Variants in TADA2A observed in about 807,000 individuals in gnomAD.
The protein encoded by TADA2A is transcriptional adaptor 2A.
TADA2A carries 38 observed loss-of-function variants against 67.4 expected under a neutral mutation model. That is an observed-to-expected ratio of 0.56 (90% CI 0.44 to 0.74). The LOEUF (loss-of-function observed/expected upper bound fraction) is 0.74, where lower values mean the gene tolerates loss of function less well. Among genes scored for constraint, TADA2A ranks in the 30% least tolerant of loss-of-function variants. TADA2A has a pLI of 0.00. For synonymous variants in TADA2A, 192 were observed against 181.6 expected (o/e 1.06, Z -0.46); for missense variants, 454 against 547.0 (o/e 0.83, Z 1.70).
At chr17:37,449,910 C>A (rs936550513) in intron 8 of TADA2A, among the ~76,000 whole-genome samples, 1 of 152,086 alleles carries the variant, frequency 6.6e-6, no homozygotes, top group South Asian at 2.1e-4. Context: ...TCAACACATT[C>A]CTGAGGAATA....
chr17:37,477,226 GCATT>G lies in TADA2A; in HGVS notation c.*250_*253del. The G allele has an allele frequency of 2.4e-6, 1 of 411,316 alleles. No homozygotes were observed. The highest frequency in any genetic ancestry group is 6.8e-4 in the Middle Eastern group (1 of 1,478). The allele number at this position is 411,316 out of a possible 1,614,324, so 25.5% of individuals were successfully genotyped here. A position where few individuals can be genotyped will look rare whatever the true frequency, so the allele number is the denominator to read the frequency against. ...ATAAGCTATTATTAAATGTGAGTGG[GCATT>G]CATTCCTAACACCTCTTGTAACTAA... On this transcript the variant is annotated 3_prime_UTR_variant, in exon 16 of 16. Transcript: ENST00000615182.
intron 1 of TADA2A, among the ~76,000 whole-genome samples, chr17:37,410,063 C>G (rs1227169202): frequency 6.6e-6 from 1 of 151,952 alleles, no homozygotes; most frequent in African/African-American, 2.4e-5. Flanking sequence ...CCCAGCTTCT[C>G]AGGAGGCTGA....
intron 9 of TADA2A, among the ~76,000 whole-genome samples, chr17:37,459,252 T>A (rs1247886831): frequency 6.6e-6 from 1 of 151,844 alleles, no homozygotes; most frequent in Admixed American, 6.6e-5. Context: ...TTACACTTTT[T>A]TTTTTTTAAT....
chr17:37,451,333 T>C (rs2053227988), intron 8 of TADA2A, among the ~76,000 whole-genome samples: 1 of 150,798 alleles, frequency 6.6e-6, no homozygotes, highest in Non-Finnish European at 1.5e-5. Flanking sequence ...TTGGCTTTTT[T>C]TTTTTTTTTG....
chr17:37,423,710 A>G (rs2147926634), intron 3 of TADA2A, 95 bp downstream of exon 3: 11 of 912,738 alleles, frequency 1.2e-5, no homozygotes, highest in South Asian at 8.9e-5. Flanking sequence ...AAGGAGATCT[A>G]TGTCTTATTA....
intron 4 of TADA2A, among the ~76,000 whole-genome samples, chr17:37,433,286 TAG>T (rs1045589968): frequency 6.6e-6 from 1 of 152,046 alleles, no homozygotes; most frequent in African/African-American, 2.4e-5. Flanking sequence ...AAATGTAGTA[TAG>T]AGAGTTCCCA....
At chr17:37,407,040 G>C (rs2051569118) in intron 1 of TADA2A, 91 bp downstream of exon 1, 2 of 146,990 alleles carry the variant, frequency 1.4e-5, no homozygotes, top group East Asian at 4.0e-4. Context: ...GGGGCCACGA[G>C]GTGCGGCGGG....
intron 14 of TADA2A, among the ~76,000 whole-genome samples, chr17:37,473,609 TCA>T: frequency 6.6e-6 from 1 of 152,298 alleles, no homozygotes; most frequent in African/African-American, 2.4e-5. Context: ...TTTGCTTAAC[TCA>T]GTCTATCCAT....
intron 2 of TADA2A, among the ~76,000 whole-genome samples, chr17:37,416,694 A>G (rs905395179): frequency 2.0e-5 from 3 of 151,722 alleles, no homozygotes; most frequent in East Asian, 2.0e-4. Flanking sequence ...GTGAAACGCC[A>G]TCTCTACTGA....
In TADA2A at chr17:37,425,191, T is replaced by C. The variant is rs867463708; in HGVS notation, c.132+1576T>C. On this transcript the variant is annotated intron_variant, in intron 3 of 15. Transcript: ENST00000615182. ...TACCACGCCCGGCCATAACACTGTT[T>C]TTTTAAGTTAATTTAAAGTATTGAA... Among the ~76,000 whole-genome samples the C allele has an allele frequency of 5.9e-5, 9 of 152,330 alleles. 1 individual carries two copies. The highest frequency in any genetic ancestry group is 4.1e-4 in the South Asian group (2 of 4,830).
Position 37,471,429 on chromosome 17 carries a change from C to G in TADA2A, c.1072+292C>G, listed in dbSNP as rs146109560. Among the ~76,000 whole-genome samples, 934 of 152,320 alleles carry G rather than the reference C, an allele frequency of 6.1e-3. 10 individuals carry two copies. Among genetic ancestry groups the G allele is most frequent in the African/African-American group, 0.021 (892 of 41,574 alleles). ...CCAATGTTCATGAGCAGTTAGTTTA[C>G]TGCAGTTGTGTCTACCACTAATTTT... On this transcript the variant is annotated intron_variant, in intron 14 of 15. Transcript: ENST00000615182.
Position 37,470,985 on chromosome 17 carries a change from C to T in TADA2A, c.1029-109C>T, listed in dbSNP as rs573570846. ...AAACATAGTTCAGTCTATCTCATTA[C>T]ACTTCTTCAAGGTGACCTACCTGAT... On this transcript the variant is annotated intron_variant, in intron 13 of 15. Coordinates refer to ENST00000615182, the MANE Select transcript of TADA2A (RefSeq NM_001166105.3). 1.3e-5 allele frequency: 13 copies of T among 1,021,242 alleles called. No homozygotes were observed. The African/African-American group carries it at 1.9e-4, about 15-fold the overall frequency. 63.3% of individuals were successfully genotyped at this position (1,021,242 alleles called of 1,614,324 possible). A position where few individuals can be genotyped will look rare whatever the true frequency, so the allele number is the denominator to read the frequency against.
At position 37,435,037 on chromosome 17, in the gene TADA2A, G is replaced by C. The variant is rs181819649; in HGVS notation, c.193-2701G>C. On this transcript the variant is annotated intron_variant, in intron 4 of 15. Transcript: ENST00000615182. ...CCAGGCGGGCAGATCACCTGAGGTC[G>C]GGAGTTCGAGACCAGCCTGACCAAC... Among the ~76,000 whole-genome samples the C allele has an allele frequency of 7.2e-5, 11 of 152,080 alleles. No homozygotes were observed. The East Asian group carries it at 1.4e-3, about 19-fold the overall frequency.
intron 2 of TADA2A, among the ~76,000 whole-genome samples, chr17:37,412,892 T>C (rs1355993084): frequency 6.6e-6 from 1 of 152,086 alleles, no homozygotes; most frequent in Non-Finnish European, 1.5e-5. Flanking sequence ...ATGAGAAGAA[T>C]CAGAAAAGTA....
At chr17:37,445,758 CT>C (rs1319263111) in intron 8 of TADA2A, among the ~76,000 whole-genome samples, 7 of 149,894 alleles carry the variant, frequency 4.7e-5, no homozygotes, top group Non-Finnish European at 7.5e-5. Context: ...ATACCCAATA[CT>C]TTTTTTTTAA....
At chr17:37,426,418 C>T (rs1039897046) in intron 3 of TADA2A, 1 of 151,668 alleles carries the variant, frequency 6.6e-6, no homozygotes, top group African/African-American at 2.4e-5. Context: ...GCCTGTAATC[C>T]CAGCACTTTG....
intron 8 of TADA2A, among the ~76,000 whole-genome samples, chr17:37,455,271 C>A (rs2053353984): frequency 6.7e-6 from 1 of 149,376 alleles, no homozygotes; most frequent in Non-Finnish European, 1.5e-5. Flanking sequence ...AGCGTTGTTA[C>A]TATCTGGCAT....
intron 5 of TADA2A, 139 bp from the exon 6 acceptor site, chr17:37,440,366 G>A (rs2052876280): frequency 3.0e-6 from 3 of 986,450 alleles, no homozygotes; most frequent in Non-Finnish European, 4.4e-6. Context: ...TTTTTCTGCT[G>A]ATATCTTTTT....
chr17:37,476,766 T>G, intron 15 of TADA2A, 31 bp from the exon 16 acceptor site: 1 of 1,584,670 alleles, frequency 6.3e-7, no homozygotes, highest in East Asian at 2.3e-5. Context: ...TGACAGATGT[T>G]AATGTTTATT....
Sources: gnomAD v4.1 joint callset for allele counts (sites outside exome capture counted in the v4.1 genomes callset) on GRCh38, gnomAD v4.1.1 for gene constraint, MANE v1.5 for transcripts, NCBI Gene and HGNC (gene_info 2026-07-23, HGNC 2026-07-21) for gene names.